Variants in CCND3 observed in about 807,000 individuals in gnomAD.
CCND3 encodes G1/S-specific cyclin-D3.
CCND3 carries 9 observed loss-of-function variants against 28.7 expected under a neutral mutation model. The observed-to-expected ratio is 0.31, with a 90% confidence interval of 0.19 to 0.55. The LOEUF (loss-of-function observed/expected upper bound fraction) is 0.55, where lower values mean the gene tolerates loss of function less well. Ranked by LOEUF, CCND3 falls within the 20% of genes least tolerant of loss-of-function variation. The pLI is 0.93. For synonymous variants in CCND3, 164 were observed against 163.9 expected (o/e 1.00, Z 0.00); for missense variants, 315 against 385.8 (o/e 0.82, Z 1.54).
intron 1 of CCND3, among the ~76,000 whole-genome samples, chr6:42,002,111 C>T (rs200117438): frequency 1.2e-4 from 3 of 25,966 alleles, no homozygotes; most frequent in Non-Finnish European, 2.6e-4. Context: ...GCAAAACTTT[C>T]TTTAAAAAAA....
intron 1 of CCND3, among the ~76,000 whole-genome samples, chr6:42,029,048 C>T (rs1184532910): frequency 6.6e-6 from 1 of 150,772 alleles, no homozygotes; most frequent in East Asian, 2.0e-4. Flanking sequence ...ATGATCATAG[C>T]TCACTGCAGC....
chr6:42,028,396 T>C (rs759010840), intron 1 of CCND3, among the ~76,000 whole-genome samples: 1 of 152,184 alleles, frequency 6.6e-6, no homozygotes, highest in Non-Finnish European at 1.5e-5. Context: ...AGCTGTGCTA[T>C]CTATCAGCTG....
At chr6:41,996,685 A>G (rs1001752094) in intron 1 of CCND3, among the ~76,000 whole-genome samples, 3 of 102,952 alleles carry the variant, frequency 2.9e-5, no homozygotes, top group Non-Finnish European at 4.0e-5. Flanking sequence ...TTTTTTTTTG[A>G]GACGGAGTCT....
At chr6:41,955,297 A>T (rs1305501829) in intron 1 of CCND3, among the ~76,000 whole-genome samples, 1 of 152,240 alleles carries the variant, frequency 6.6e-6, no homozygotes, top group Non-Finnish European at 1.5e-5. Flanking sequence ...GCAAAATCCT[A>T]AGCAAAATAT....
chr6:41,979,606 A>G (rs955625847), intron 1 of CCND3, among the ~76,000 whole-genome samples: 2 of 139,996 alleles, frequency 1.4e-5, no homozygotes, highest in African/African-American at 2.6e-5. Context: ...TCAGACAAGG[A>G]AAAAATCTCT....
chr6:42,040,032 A>G (rs145676252), intron 1 of CCND3, among the ~76,000 whole-genome samples: 414 of 152,344 alleles, frequency 2.7e-3, no homozygotes, highest in African/African-American at 9.0e-3. Context: ...GTACGTGACA[A>G]TGTCTCAACA....
intron 1 of CCND3, among the ~76,000 whole-genome samples, chr6:41,947,836 G>A (rs1000489526): frequency 6.6e-6 from 1 of 151,986 alleles, no homozygotes; most frequent in Admixed American, 6.6e-5. Flanking sequence ...GGGTCTCCCT[G>A]ACCCACCCTT....
chr6:42,038,340 A>T (rs1582191248), intron 1 of CCND3, among the ~76,000 whole-genome samples: 1 of 152,142 alleles, frequency 6.6e-6, no homozygotes, highest in Non-Finnish European at 1.5e-5. Flanking sequence ...GGAGTTCAAG[A>T]CCAGCCTGCG....
upstream of CCND3, among the ~76,000 whole-genome samples, chr6:41,946,318 C>T (rs901887442): frequency 1.3e-5 from 2 of 151,752 alleles, no homozygotes; most frequent in African/African-American, 4.8e-5. Flanking sequence ...CAAAGTTGGC[C>T]GGGCACGGTG....
At chr6:42,018,499 CT>C (rs1561989557) in intron 1 of CCND3, 2 of 152,128 alleles carry the variant, frequency 1.3e-5, no homozygotes, top group African/African-American at 4.8e-5. Flanking sequence ...AGTATATGTG[CT>C]GCGAAAGTGA....
chr6:41,944,208 A>C (rs913962294), upstream of CCND3, among the ~76,000 whole-genome samples: 8 of 152,068 alleles, frequency 5.3e-5, no homozygotes, highest in African/African-American at 1.9e-4. Context: ...GCGGTGGCAC[A>C]AGCCTGTAGT....
At chr6:41,975,737 C>CT (rs1318433808) in intron 1 of CCND3, among the ~76,000 whole-genome samples, 163 of 135,632 alleles carry the variant, frequency 1.2e-3, no homozygotes, top group Admixed American at 1.4e-3. Context: ...GCTTGCTTGA[C>CT]TTTTTTTTTT....
At chr6:41,964,501 T>A (rs4714524) in intron 1 of CCND3, among the ~76,000 whole-genome samples, 1,245 of 74,588 alleles carry the variant, frequency 0.017, 8 homozygotes, top group Non-Finnish European at 0.021. Context: ...TGTGTGTGAG[T>A]GTGTGTGTGT....
At chr6:42,044,321 G>A (rs954203882) in intron 1 of CCND3, among the ~76,000 whole-genome samples, 2 of 152,208 alleles carry the variant, frequency 1.3e-5, no homozygotes, top group African/African-American at 4.8e-5. Context: ...ACCAGTCAGC[G>A]CCTGAAGAAC....
chr6:41,940,503 G>A lies in CCND3; in HGVS notation c.281C>T (p.Thr94Ile). The A allele has an allele frequency of 1.9e-6, 3 of 1,614,110 alleles. No homozygotes were observed. Among genetic ancestry groups the A allele is most frequent in the Non-Finnish European group, 2.5e-6 (3 of 1,180,008 alleles). The change falls in exon 2 of 5, where the codon ACC (threonine) becomes ATC (isoleucine). Residue 94 changes from threonine to isoleucine, a missense_variant. By Grantham distance (89) the Thr-to-Ile change is moderately conservative. Transcript: ENST00000372991. ...YLDRYLSCVP[T>I]RKAQLQLLGA... is the part of the protein sequence containing the mutation. ...CAGGAGCTGCAACTGCGCCTTTCGG[G>A]TGGGGACGCAAGACAGGTAGCGATC...
At chr6:41,954,335 G>A (rs549250304) in intron 1 of CCND3, among the ~76,000 whole-genome samples, 5 of 140,402 alleles carry the variant, frequency 3.6e-5, no homozygotes, top group East Asian at 4.4e-4. Context: ...GGCGAATCAC[G>A]AGGTCAGGAG....
intron 1 of CCND3, among the ~76,000 whole-genome samples, chr6:42,045,394 A>G (rs2127442727): frequency 6.6e-6 from 1 of 152,282 alleles, no homozygotes; most frequent in Non-Finnish European, 1.5e-5. Context: ...TAAATTGGAG[A>G]TAGAGGTGTT....
At chr6:41,943,114 G>T (rs1011279797), upstream of CCND3, among the ~76,000 whole-genome samples, 1 of 151,798 alleles carries the variant, frequency 6.6e-6, no homozygotes, top group Non-Finnish European at 1.5e-5. Context: ...CGCCGGTCTC[G>T]GCCTCCAAAA....
chr6:42,016,212 G>C (rs1010582560), intron 1 of CCND3, among the ~76,000 whole-genome samples: 1 of 152,182 alleles, frequency 6.6e-6, no homozygotes, highest in Non-Finnish European at 1.5e-5. Flanking sequence ...CAGGATTACA[G>C]GCGTGAGCCA....
Sources: gnomAD v4.1 joint callset for allele counts (sites outside exome capture counted in the v4.1 genomes callset) on GRCh38, gnomAD v4.1.1 for gene constraint, MANE v1.5 for transcripts, NCBI Gene and HGNC (gene_info 2026-07-23, HGNC 2026-07-21) for gene names.